Variants in NEK9 observed in about 807,000 individuals in gnomAD.
NEK9 encodes serine/threonine-protein kinase Nek9.
A neutral mutation model predicts 123.4 loss-of-function variants in NEK9; 75 were observed. The ratio of observed to expected loss-of-function variants is 0.61; its 90% confidence interval spans 0.50 to 0.74. NEK9 has a LOEUF of 0.74. NEK9 is among the 30% of genes least tolerant of loss of function. The probability of loss-of-function intolerance (pLI) is 0.00; values close to 1 mark genes in which losing one functional copy is unlikely to be tolerated. For missense variants in NEK9, 952 were observed against 1,214.4 expected, an observed-to-expected ratio of 0.78 and a Z score of 3.21; for synonymous variants, 438 against 458.7, an observed-to-expected ratio of 0.95 and a Z score of 0.58.
At chr14:75,089,221 C>T (rs1894128427) in intron 19 of NEK9, among the ~76,000 whole-genome samples, 2 of 152,074 alleles carry the variant, frequency 1.3e-5, no homozygotes, top group Admixed American at 1.3e-4. Context: ...CATGTGCCAC[C>T]ATGCCCGGCT....
At chr14:75,096,141 G>A (rs895012482) in intron 17 of NEK9, among the ~76,000 whole-genome samples, 1 of 152,028 alleles carries the variant, frequency 6.6e-6, no homozygotes, top group Non-Finnish European at 1.5e-5. Context: ...AAATTAGCCA[G>A]GTGTGATGGT....
chr14:75,112,005 G>A (rs1049832475), intron 8 of NEK9, among the ~76,000 whole-genome samples: 6 of 152,154 alleles, frequency 3.9e-5, no homozygotes, highest in Non-Finnish European at 7.3e-5. Flanking sequence ...CTGCCTGCAC[G>A]TGCACAAAAC....
rs1893905978 is a variant in NEK9 at position 75,082,829 on chromosome 14, C to G, written c.*1735G>C. 5 of 397,234 alleles carry G rather than the reference C, an allele frequency of 1.3e-5. No homozygotes were observed. In the Admixed American group the frequency reaches 2.2e-4, roughly 18 times the overall value. 24.6% of individuals were successfully genotyped at this position (397,234 alleles called of 1,614,324 possible). A position where few individuals can be genotyped will look rare whatever the true frequency, so the allele number is the denominator to read the frequency against. The stretch of plus-strand genomic sequence containing the variant: ...CATTTACATGCTGAACCAAAACCCA[C>G]TGTTACAGTTTATGACAACCCCCGC... On this transcript the variant is annotated 3_prime_UTR_variant, in exon 22 of 22. Coordinates refer to ENST00000238616, the MANE Select transcript of NEK9 (RefSeq NM_033116.6).
intron 13 of NEK9, among the ~76,000 whole-genome samples, chr14:75,104,775 G>C (rs1386174986): frequency 1.3e-5 from 2 of 152,178 alleles, no homozygotes; most frequent in Non-Finnish European, 2.9e-5. Context: ...GAGCCATTGT[G>C]CTCGGTCAAG....
rs916880902 is a variant in NEK9, at chr14:75,084,595, A to G, written c.2909T>C (p.Leu970Pro). ...GCTGGGTCTACAGGAGTCTGTTCCCAGGAGGCACCAGGAATCTGAATCTAA... is the reference window on the plus strand; with the variant it reads ...GCTGGGTCTACAGGAGTCTGTTCCCGGGAGGCACCAGGAATCTGAATCTAA... ...PDLDSDSWCL[L>P]GTDSCRPSL is the part of the protein sequence containing the mutation. Residue 970 changes from leucine (L) to proline (P), a missense_variant, in exon 22 of 22, where the codon CTG becomes CCG. Around this residue, in one of 4 missense-constraint regions of NEK9, gnomAD observed 698 missense variants for 875.6 expected, o/e 0.80. Transcript: ENST00000238616. The G allele has an allele frequency of 6.2e-7, 1 of 1,614,072 alleles. No homozygotes were observed. The highest frequency in any genetic ancestry group is 8.5e-7 in the Non-Finnish European group (1 of 1,180,032).
Position 75,082,760 on chromosome 14 carries a change from C to A in NEK9, c.*1804G>T. The A allele has an allele frequency of 2.6e-6, 1 of 382,846 alleles. No individual in the cohort carries two copies. 23.7% of individuals were successfully genotyped at this position (382,846 alleles called of 1,614,324 possible). On this transcript the variant is annotated 3_prime_UTR_variant, in exon 22 of 22. Coordinates refer to ENST00000238616, the MANE Select transcript of NEK9 (RefSeq NM_033116.6). ...TGCTGAGATGATGAGCATGAGGATA[C>A]AGGGACATGACAGGTCAATCGGTCC...
At chr14:75,114,029 C>T (rs942436391) in intron 7 of NEK9, among the ~76,000 whole-genome samples, 174 bp downstream of exon 7, 18 of 152,194 alleles carry the variant, frequency 1.2e-4, no homozygotes, top group Non-Finnish European at 1.8e-4. Context: ...AATTTGTTCA[C>T]TGAAGCACAC....
chr14:75,088,992 C>T (rs563366993), intron 19 of NEK9, among the ~76,000 whole-genome samples: 9 of 152,344 alleles, frequency 5.9e-5, no homozygotes, highest in African/African-American at 2.2e-4. Context: ...GCAGACAGAA[C>T]AGCATGCTGC....
chr14:75,080,453 G>C lies in NEK9; in HGVS notation c.*4111C>G, dbSNP rs1439356696. The C allele has an allele frequency of 6.6e-6, 1 of 151,990 alleles. No homozygotes were observed. The highest frequency in any genetic ancestry group is 1.5e-5 in the Non-Finnish European group (1 of 68,018). 9.4% of individuals were successfully genotyped at this position (151,990 alleles called of 1,614,324 possible). A position where few individuals can be genotyped will look rare whatever the true frequency, so the allele number is the denominator to read the frequency against. Reference sequence around the variant, plus strand: ...TCTGAATTTCTTCCTGGATAGCTCAGACGATGACAGTAAATGCATGCTGCT... The same window carrying C: ...TCTGAATTTCTTCCTGGATAGCTCACACGATGACAGTAAATGCATGCTGCT... On this transcript the variant is annotated 3_prime_UTR_variant, in exon 22 of 22. Coordinates refer to ENST00000238616, the MANE Select transcript of NEK9 (RefSeq NM_033116.6).
intron 6 of NEK9, among the ~76,000 whole-genome samples, chr14:75,115,296 T>C (rs1895105077): frequency 6.6e-6 from 1 of 152,124 alleles, no homozygotes. Context: ...TTGTATTTTT[T>C]AGTAGAGACA....
intron 18 of NEK9, 87 bp downstream of exon 18, chr14:75,095,285 T>C (rs1894345322): frequency 2.4e-6 from 2 of 829,834 alleles, no homozygotes; most frequent in African/African-American, 3.4e-5. Context: ...ATTTCCCATT[T>C]TCCTTTGGGT....
At chr14:75,095,239 C>G (rs1466251281) in intron 18 of NEK9, 133 bp downstream of exon 18, 8 of 587,106 alleles carry the variant, frequency 1.4e-5, no homozygotes, top group Non-Finnish European at 2.4e-5. Context: ...ATATGATCTT[C>G]TCTCTTAACC....
chr14:75,104,741 C>T (rs1258352800), intron 13 of NEK9, among the ~76,000 whole-genome samples: 1 of 152,180 alleles, frequency 6.6e-6, no homozygotes, highest in Non-Finnish European at 1.5e-5. Flanking sequence ...CCTCGGCCTC[C>T]CAAAGTGCTG....
chr14:75,091,414 C>T lies in NEK9; in HGVS notation c.2298G>A (p.Gln766=). 1.2e-6 allele frequency: 2 copies of T among 1,613,140 alleles called. No homozygotes were observed. The highest frequency in any genetic ancestry group is 1.7e-6 in the Non-Finnish European group (2 of 1,179,728). The change falls in exon 19 of 22, where the codon CAG becomes CAA. Residue 766 remains glutamine (Q), a synonymous_variant. Coordinates refer to ENST00000238616, the MANE Select transcript of NEK9 (RefSeq NM_033116.6). ...TTGGGTCAGGAGTTTCAGATTCCTG[C>T]TGACTGTCCTCTTCTTCACCACCGC... is the stretch of plus-strand genomic sequence containing the variant. ...GGGGGEEEDS[Q]QESETPDPSG... is the part of the protein sequence containing the mutation.
rs1893924918 is a variant in NEK9 at position 75,083,458 on chromosome 14, T to C, written c.*1106A>G. On this transcript the variant is annotated 3_prime_UTR_variant, in exon 22 of 22. Coordinates refer to ENST00000238616, the MANE Select transcript of NEK9 (RefSeq NM_033116.6). ...ACCTGTTCTGTTAGGCTTCAGGGACTCCCAGGGTTTGGTGCTGGCTTTGGG... is the reference window on the plus strand; with the variant it reads ...ACCTGTTCTGTTAGGCTTCAGGGACCCCCAGGGTTTGGTGCTGGCTTTGGG... 5.5e-6 allele frequency: 1 copy of C among 183,020 alleles called. No homozygotes were observed. The highest frequency in any genetic ancestry group is 2.0e-4 in the South Asian group (1 of 5,090). 11.3% of individuals were successfully genotyped at this position (183,020 alleles called of 1,614,324 possible). A position where few individuals can be genotyped will look rare whatever the true frequency, so the allele number is the denominator to read the frequency against.
In NEK9 at chr14:75,106,613, G is replaced by A. The variant is rs951353857; in HGVS notation, c.1417C>T (p.Gln473Ter). 6.2e-7 allele frequency: 1 copy of A among 1,614,088 alleles called. No homozygotes were observed. The highest frequency in any genetic ancestry group is 8.5e-7 in the Non-Finnish European group (1 of 1,180,010). ...GGATTGCTGAGGAAGAAGTTCAGCT[G>A]CATGGGTTCTAGCACTTCAGGGCCA... ...VAGPEVLEPMQLNFFLSNPVE... is the reference protein window; with the variant it reads ...VAGPEVLEPM Residue 473 changes from glutamine to a stop codon, truncating the protein, a stop_gained, in exon 12 of 22, where the codon CAG becomes TAG. Transcript: ENST00000238616. LOFTEE classifies it high-confidence loss of function.
At chr14:75,105,774 G>T (rs1406306970) in intron 13 of NEK9, among the ~76,000 whole-genome samples, 176 bp downstream of exon 13, 1 of 152,094 alleles carries the variant, frequency 6.6e-6, no homozygotes, top group African/African-American at 2.4e-5. Flanking sequence ...TCTGTGATTT[G>T]GTCAGATGAC....
In NEK9 at chr14:75,081,770, TA is replaced by T. The variant is rs1231923224; in HGVS notation, c.*2793del. The T allele has an allele frequency of 6.6e-6, 1 of 152,146 alleles. No individual in the cohort carries two copies. Among genetic ancestry groups the T allele is most frequent in the African/African-American group, 2.4e-5 (1 of 41,416 alleles). 9.4% of individuals were successfully genotyped at this position (152,146 alleles called of 1,614,324 possible). A position where few individuals can be genotyped will look rare whatever the true frequency, so the allele number is the denominator to read the frequency against. On this transcript the variant is annotated 3_prime_UTR_variant, in exon 22 of 22. Coordinates refer to ENST00000238616, the MANE Select transcript of NEK9 (RefSeq NM_033116.6). This position sits in a 1 kb window ranked among gnomAD's most constrained non-coding sequence, Gnocchi z 4.2. ...TTTGAAGGAAAAGTTTTACAAACCA[TA>T]AACTGGCATTATCACTTGGAAAGGC...
intron 12 of NEK9, 34 bp downstream of exon 12, chr14:75,106,468 G>A: frequency 6.2e-7 from 1 of 1,606,262 alleles, no homozygotes; most frequent in South Asian, 1.1e-5. Context: ...TTGTATACCT[G>A]TGAAGAAGTG....
Sources: allele counts gnomAD v4.1 joint callset (sites outside exome capture counted in the v4.1 genomes callset), GRCh38; gene constraint gnomAD v4.1.1; regional missense constraint gnomAD v4.1.1; non-coding constraint Gnocchi (gnomAD v3.1); transcripts MANE v1.5; gene names NCBI Gene and HGNC (gene_info 2026-07-23, HGNC 2026-07-21).